The following AFF3 variants were observed in gnomAD, a reference collection of about 807,000 sequenced individuals.
The protein encoded by AFF3 is ALF transcription elongation factor 3.
AFF3 carries 32 observed loss-of-function variants against 129.7 expected under a neutral mutation model. The observed-to-expected ratio is 0.25, with a 90% CI of 0.19 to 0.33. AFF3 has a LOEUF of 0.33. Ranked by LOEUF, AFF3 falls within the 10% of genes least tolerant of loss-of-function variation. The pLI is 1.00. For missense variants in AFF3, 1,373 were observed against 1,592.0 expected, an observed-to-expected ratio of 0.86 and a Z score of 2.34; for synonymous variants, 644 against 635.4, an observed-to-expected ratio of 1.01 and a Z score of -0.20.
intron 7 of AFF3, among the ~76,000 whole-genome samples, chr2:99,838,998 G>A (rs1223522457): frequency 2.7e-5 from 4 of 146,556 alleles, no homozygotes; most frequent in Admixed American, 7.1e-5. Flanking sequence ...ACACATGATT[G>A]AGACCTTCTC....
At chr2:99,683,348 T>C (rs1674710729) in intron 11 of AFF3, among the ~76,000 whole-genome samples, 1 of 152,256 alleles carries the variant, frequency 6.6e-6, no homozygotes, top group Admixed American at 6.5e-5. Flanking sequence ...GTCTGGTATG[T>C]AGTAATTAAT....
intron 18 of AFF3, among the ~76,000 whole-genome samples, chr2:99,571,677 A>G (rs908775092): frequency 2.0e-5 from 3 of 152,240 alleles, no homozygotes; most frequent in East Asian, 1.9e-4. Flanking sequence ...TCATCTTTGC[A>G]TAGAATGGAG....
At chr2:99,724,243 A>G (rs186208748) in intron 11 of AFF3, among the ~76,000 whole-genome samples, 1 of 138,560 alleles carries the variant, frequency 7.2e-6, no homozygotes, top group Non-Finnish European at 1.5e-5. Context: ...TTTATGCTCT[A>G]ACTCCTCACT....
chr2:100,062,770 C>T (rs1687394843), intron 4 of AFF3, among the ~76,000 whole-genome samples: 1 of 152,096 alleles, frequency 6.6e-6, no homozygotes, highest in African/African-American at 2.4e-5. Flanking sequence ...TATGAGCTAG[C>T]AATTAAGGTT....
At chr2:99,927,975 T>C (rs190646524) in intron 7 of AFF3, among the ~76,000 whole-genome samples, 61 of 152,208 alleles carry the variant, frequency 4.0e-4, no homozygotes, top group Admixed American at 3.3e-3. Flanking sequence ...ATGGGTCTCA[T>C]GAGATCTGAT....
At chr2:99,910,119 A>G (rs145432397) in intron 7 of AFF3, among the ~76,000 whole-genome samples, 1,817 of 152,338 alleles carry the variant, frequency 0.012, 41 homozygotes, top group African/African-American at 0.041. Flanking sequence ...GATTGAAAAG[A>G]GCATTACTAC....
intron 2 of AFF3, among the ~76,000 whole-genome samples, chr2:100,113,917 T>C (rs1691624997): frequency 6.6e-6 from 1 of 151,230 alleles, no homozygotes; most frequent in Non-Finnish European, 1.5e-5. Context: ...AAATGGGGGT[T>C]AGGGGAAGAA....
intron 7 of AFF3, among the ~76,000 whole-genome samples, chr2:99,991,709 C>T (rs1352347700): frequency 6.6e-6 from 1 of 152,098 alleles, no homozygotes; most frequent in South Asian, 2.1e-4. Context: ...TCGAGAGCAG[C>T]CTGGCCAACA....
intron 12 of AFF3, among the ~76,000 whole-genome samples, chr2:99,670,724 G>A (rs1457217594): frequency 2.6e-5 from 4 of 152,156 alleles, no homozygotes; most frequent in Non-Finnish European, 4.4e-5. Flanking sequence ...TACTGTTGAA[G>A]CAATAACTTA....
At chr2:100,082,192 G>A (rs2666320) in intron 4 of AFF3, among the ~76,000 whole-genome samples, 5 of 152,066 alleles carry the variant, frequency 3.3e-5, no homozygotes, top group African/African-American at 9.7e-5. Context: ...AAAATGTCCC[G>A]TAAGTAAACA....
At chr2:99,893,997 G>A (rs1693756860) in intron 7 of AFF3, among the ~76,000 whole-genome samples, 1 of 152,072 alleles carries the variant, frequency 6.6e-6, no homozygotes, top group Non-Finnish European at 1.5e-5. Context: ...GAATGGTTGT[G>A]GAAATTAACC....
At chr2:99,931,966 G>A (rs1696703116) in intron 7 of AFF3, among the ~76,000 whole-genome samples, 1 of 152,170 alleles carries the variant, frequency 6.6e-6, no homozygotes, top group African/African-American at 2.4e-5. Context: ...TGTAAGGTTT[G>A]TTATGTGCCC....
chr2:100,009,033 A>G, intron 4 of AFF3, 101 bp from the exon 5 acceptor site: 1 of 1,454,690 alleles, frequency 6.9e-7, no homozygotes, highest in South Asian at 1.4e-5. Flanking sequence ...TCGTGGACAA[A>G]TGGTGATGAC....
chr2:99,790,405 A>G (rs1369789114), intron 8 of AFF3, among the ~76,000 whole-genome samples: 2 of 152,252 alleles, frequency 1.3e-5, no homozygotes, highest in African/African-American at 4.8e-5. Context: ...GAAATACACT[A>G]CAGAGAACCT....
intron 7 of AFF3, among the ~76,000 whole-genome samples, chr2:99,929,339 T>TA (rs149023040): frequency 1.9e-4 from 29 of 151,200 alleles, no homozygotes; most frequent in Non-Finnish European, 2.8e-4. Context: ...AAAGAATAAA[T>TA]AAATAAAATA....
At chr2:99,742,679 A>G (rs1357778493) in intron 10 of AFF3, among the ~76,000 whole-genome samples, 2 of 152,194 alleles carry the variant, frequency 1.3e-5, no homozygotes, top group Non-Finnish European at 2.9e-5. Flanking sequence ...CTGAATTCAA[A>G]TTCTAGCTGT....
Position 100,092,891 on chromosome 2 carries a change from G to A in AFF3, c.53+11511C>T, listed in dbSNP as rs563920943. Among the ~76,000 whole-genome samples, 27 of 151,008 alleles carry A rather than the reference G, an allele frequency of 1.8e-4. No individual in the cohort carries two copies. In the South Asian group the frequency reaches 5.3e-3, roughly 30 times the overall value. On this transcript the variant is annotated intron_variant, in intron 4 of 24. Coordinates refer to ENST00000672756, the MANE Select transcript of AFF3 (RefSeq NM_001386135.1). ...AGGTAAAAAGTCTACTTAGACTAAT[G>A]AAATAATCTGTTCTTATTACCAGGC... is the stretch of plus-strand genomic sequence containing the variant.
intron 4 of AFF3, among the ~76,000 whole-genome samples, chr2:100,086,201 T>C (rs1449862550): frequency 6.6e-6 from 1 of 152,204 alleles, no homozygotes; most frequent in African/African-American, 2.4e-5. Flanking sequence ...GTAAGAATTA[T>C]GATGCATACT....
intron 2 of AFF3, among the ~76,000 whole-genome samples, chr2:100,119,537 C>T (rs981221982): frequency 2.0e-5 from 3 of 152,116 alleles, no homozygotes; most frequent in African/African-American, 7.2e-5. Flanking sequence ...TATTCTTGGC[C>T]GACTTTGCAA....
Sources: gnomAD v4.1 joint callset for allele counts (sites outside exome capture counted in the v4.1 genomes callset) on GRCh38, gnomAD v4.1.1 for gene constraint, MANE v1.5 for transcripts, NCBI Gene and HGNC (gene_info 2026-07-23, HGNC 2026-07-21) for gene names.